Variants in TRRAP observed in about 807,000 individuals in gnomAD.
TRRAP encodes transformation/transcription domain associated protein.
In TRRAP, 41 loss-of-function variants were observed where a neutral mutation model predicts 438.8. The ratio of observed to expected loss-of-function variants is 0.09; its 90% CI spans 0.07 to 0.12. TRRAP has a LOEUF of 0.12. Ranked by LOEUF, TRRAP falls within the 10% of genes least tolerant of loss-of-function variation. The pLI is 1.00. For missense variants in TRRAP, 3,122 were observed against 5,055.1 expected (o/e 0.62, Z 11.60); for synonymous variants, 1,994 against 1,962.9 (o/e 1.02, Z -0.42).
At chr7:98,992,093 T>C in intron 64 of TRRAP, 44 bp from the exon 65 acceptor site, 1 of 1,594,246 alleles carries the variant, frequency 6.3e-7, no homozygotes, top group Non-Finnish European at 8.6e-7. Flanking sequence ...TATCCAGAGC[T>C]CAGCAGAGAG....
At chr7:98,891,958 C>T (rs1796001486) in intron 4 of TRRAP, among the ~76,000 whole-genome samples, 1 of 152,276 alleles carries the variant, frequency 6.6e-6, no homozygotes, top group South Asian at 2.1e-4. Context: ...TTTTAGTTGT[C>T]AGCTCCACAG....
chr7:98,903,615 T>C, intron 12 of TRRAP, 98 bp downstream of exon 12: 1 of 1,528,658 alleles, frequency 6.5e-7, no homozygotes, highest in Non-Finnish European at 8.9e-7. Context: ...GAGGTTTCCA[T>C]GTATCCTTGC....
chr7:98,966,353 G>A (rs943422272), intron 49 of TRRAP, among the ~76,000 whole-genome samples: 2 of 151,950 alleles, frequency 1.3e-5, no homozygotes, highest in African/African-American at 4.8e-5. Context: ...CTTAACAGAT[G>A]TTAAATAGAA....
chr7:98,899,335 T>G (rs1415015603), intron 8 of TRRAP, 87 bp from the exon 9 acceptor site: 1 of 1,069,138 alleles, frequency 9.4e-7, no homozygotes, highest in Non-Finnish European at 1.4e-6. Flanking sequence ...TCTCTCTCTT[T>G]CAGTGGGTGA....
rs992389488 is a variant in TRRAP at position 98,906,425 on chromosome 7, T to C, written c.1115+170T>C. Among the ~76,000 whole-genome samples the C allele has an allele frequency of 1.4e-4, 21 of 151,214 alleles. No individual in the cohort carries two copies. The South Asian group carries it at 4.2e-3, about 30-fold the overall frequency. On this transcript the variant is annotated intron_variant, in intron 13 of 72. Coordinates refer to ENST00000456197, the MANE Select transcript of TRRAP (RefSeq NM_001375524.1). ...TGTTTTATTTATTTATTTATTTATTTATTTATTTATTTATTTATTTATTTT... is the reference window on the plus strand; with the variant it reads ...TGTTTTATTTATTTATTTATTTATTCATTTATTTATTTATTTATTTATTTT...
In TRRAP at chr7:99,005,025, C is replaced by T. The variant is rs757876217; in HGVS notation, c.10536-106C>T. ...AAATTGATAAACGACCGCTGGCCTA[C>T]ACAGTCCGTTTTCCCGTGACAGTTC... On this transcript the variant is annotated intron_variant, in intron 68 of 72. Transcript: ENST00000456197. The surrounding 1 kb of genome is among the most constrained non-coding windows in gnomAD (Gnocchi z 5.1). 2.6e-4 allele frequency: 291 copies of T among 1,138,566 alleles called. No individual in the cohort carries two copies. The highest frequency in any genetic ancestry group is 3.7e-4 in the Non-Finnish European group (282 of 770,648). The allele number at this position is 1,138,566 out of a possible 1,614,324, so 70.5% of individuals were successfully genotyped here.
At chr7:98,900,514 G>C (rs1789945560) in intron 10 of TRRAP, 110 bp from the exon 11 acceptor site, 1 of 818,752 alleles carries the variant, frequency 1.2e-6, no homozygotes. Context: ...TGTGTTGTTT[G>C]GGTCTGTGTG....
At chr7:98,899,567 A>G in intron 9 of TRRAP, 68 bp downstream of exon 9, 1 of 1,605,136 alleles carries the variant, frequency 6.2e-7, no homozygotes, top group Non-Finnish European at 8.5e-7. Context: ...TCTGGGGCCA[A>G]AAGATGTGTA....
intron 14 of TRRAP, 73 bp from the exon 15 acceptor site, chr7:98,909,983 G>A: frequency 6.7e-7 from 1 of 1,486,682 alleles, no homozygotes. Flanking sequence ...TTATTTTACT[G>A]TGATCTGAGC....
chr7:98,901,732 A>G (rs186995889), intron 11 of TRRAP, among the ~76,000 whole-genome samples: 1 of 152,238 alleles, frequency 6.6e-6, no homozygotes, highest in Non-Finnish European at 1.5e-5. Context: ...TATTTTTTGT[A>G]GAGGTGAGGT....
chr7:98,963,201 A>G (rs73155654), intron 47 of TRRAP, among the ~76,000 whole-genome samples: 4,167 of 152,320 alleles, frequency 0.027, 83 homozygotes, highest in South Asian at 0.054. Flanking sequence ...CCAACTGAAT[A>G]TATTTGGATG....
At chr7:98,926,516 G>T (rs1790053139) in intron 22 of TRRAP, among the ~76,000 whole-genome samples, 1 of 152,186 alleles carries the variant, frequency 6.6e-6, no homozygotes, top group African/African-American at 2.4e-5. Flanking sequence ...TATGACCCAT[G>T]AATAAGGATG....
chr7:99,001,515 A>T (rs1156399602), intron 67 of TRRAP, among the ~76,000 whole-genome samples: 1 of 151,952 alleles, frequency 6.6e-6, no homozygotes, highest in African/African-American at 2.4e-5. Flanking sequence ...GAAATGGGAT[A>T]GATCTTCTGG....
At position 99,008,365 on chromosome 7, in the gene TRRAP, C is replaced by G; in HGVS notation, c.10754-12C>G. 6.2e-7 allele frequency: 1 copy of G among 1,612,774 alleles called. No individual in the cohort carries two copies. Among genetic ancestry groups the G allele is most frequent in the South Asian group, 1.1e-5 (1 of 90,906 alleles). The stretch of plus-strand genomic sequence containing the variant: ...CCCTCAGCCTGCCCCGTTTCTCTTC[C>G]TCTCTCCCCAGTGCCCCGGGTTGTG... On this transcript the variant is annotated splice_polypyrimidine_tract_variant and intron_variant, in intron 69 of 72. Transcript: ENST00000456197.
rs763247129 is a variant in TRRAP, at chr7:99,008,504, C to T, written c.10881C>T (p.Ser3627=). ...KKGIEHDNPI[S]RYYDRLATVQ... The stretch of plus-strand genomic sequence containing the variant: ...GCATCGAGCATGACAACCCCATCTC[C>T]CGTTACTATGACCGGCTGGCTACGG... Residue 3627 remains serine, a synonymous_variant, in exon 70 of 73, where the codon TCC becomes TCT. Coordinates refer to ENST00000456197, the MANE Select transcript of TRRAP (RefSeq NM_001375524.1). The T allele has an allele frequency of 2.0e-5, 32 of 1,614,098 alleles. No homozygotes were observed. In the East Asian group the frequency reaches 7.1e-4, roughly 36 times the overall value.
intron 70 of TRRAP, 113 bp downstream of exon 70, chr7:99,008,674 C>A: frequency 8.5e-7 from 1 of 1,172,154 alleles, no homozygotes. Context: ...TGGGGGCCAC[C>A]TCTGTCATTT....
chr7:98,970,781 C>T (rs1010651593), intron 52 of TRRAP, among the ~76,000 whole-genome samples: 4 of 152,172 alleles, frequency 2.6e-5, no homozygotes, highest in Non-Finnish European at 5.9e-5. Context: ...ATGCTGCCTG[C>T]CACACAGGGG....
In TRRAP at chr7:98,962,363, G is replaced by C; in HGVS notation, c.6765G>C (p.Lys2255Asn). 6.2e-7 allele frequency: 1 copy of C among 1,614,218 alleles called. No individual in the cohort carries two copies. Among genetic ancestry groups the C allele is most frequent in the Non-Finnish European group, 8.5e-7 (1 of 1,180,042 alleles). ...AGTGCCTCTACGCAGCCGTCGGAAA[G>C]GTCATCTATGAAGGGCTCACCAACT... ...ELECLYAAVGKVIYEGLTNYE... is the reference protein window; with the variant it reads ...ELECLYAAVGNVIYEGLTNYE... The change falls in exon 47 of 73, where the codon AAG (lysine) becomes AAC (asparagine). Residue 2255 changes from lysine (K) to asparagine (N), a missense_variant. Lys to Asn is a moderately conservative substitution (Grantham distance 94, BLOSUM62 0). Coordinates refer to ENST00000456197, the MANE Select transcript of TRRAP (RefSeq NM_001375524.1).
rs768859005 is a variant in TRRAP, at chr7:98,976,467, T to C, written c.7960-16T>C. 2 of 1,601,450 alleles carry C rather than the reference T, an allele frequency of 1.2e-6. No homozygotes were observed. The highest frequency in any genetic ancestry group is 1.1e-5 in the South Asian group (1 of 90,922). ...TTTTTGAATGAAGGCCTAAATGACA[T>C]GTGCTTTGGTTTCAGGCACTCGCGG... is the stretch of plus-strand genomic sequence containing the variant. On this transcript the variant is annotated splice_polypyrimidine_tract_variant and intron_variant, in intron 54 of 72. Transcript: ENST00000456197. This position sits in a 1 kb window ranked among gnomAD's most constrained non-coding sequence, Gnocchi z 4.6.
Sources: allele counts gnomAD v4.1 joint callset (sites outside exome capture counted in the v4.1 genomes callset), GRCh38; gene constraint gnomAD v4.1.1; non-coding constraint Gnocchi (gnomAD v3.1); transcripts MANE v1.5; gene names NCBI Gene and HGNC (gene_info 2026-07-23, HGNC 2026-07-21).